The following SLC25A3 variants were observed in gnomAD, a reference collection of about 807,000 sequenced individuals.
SLC25A3 encodes the protein solute carrier family 25 member 3, also known as phosphate transport protein.
SLC25A3 carries 14 observed loss-of-function variants against 37.1 expected under a neutral mutation model. That is an observed-to-expected ratio of 0.38 (90% CI 0.25 to 0.59). The LOEUF (loss-of-function observed/expected upper bound fraction) is 0.59. Ranked by LOEUF, SLC25A3 falls within the 20% of genes least tolerant of loss-of-function variation. The pLI is 0.67. For missense variants in SLC25A3, 385 were observed against 458.1 expected (o/e 0.84, Z 1.46); for synonymous variants, 161 against 168.7 (o/e 0.95, Z 0.36).
At position 98,602,459 on chromosome 12, in the gene SLC25A3, C is replaced by A. The variant is rs190586223; in HGVS notation, c.*931C>A. On this transcript the variant is annotated 3_prime_UTR_variant, in exon 8 of 8. Transcript: ENST00000552981. ...GATTATAGGCATGAGCCACCGTGCC[C>A]GGCTCTGACTTTTTACAGAAAATTG... 2 of 152,162 alleles carry A rather than the reference C, an allele frequency of 1.3e-5. No homozygotes were observed. Among genetic ancestry groups the A allele is most frequent in the African/African-American group, 2.4e-5 (1 of 41,446 alleles). The allele number at this position is 152,162 out of a possible 1,614,324, so 9.4% of individuals were successfully genotyped here.
Position 98,596,944 on chromosome 12 carries a change from G to A in SLC25A3, c.280-912G>A, listed in dbSNP as rs528495244. Among the ~76,000 whole-genome samples, 10 of 152,236 alleles carry A rather than the reference G, an allele frequency of 6.6e-5. No homozygotes were observed. The South Asian group carries it at 1.9e-3, about 28-fold the overall frequency. On this transcript the variant is annotated intron_variant, in intron 3 of 7. Coordinates refer to ENST00000552981, the MANE Select transcript of SLC25A3 (RefSeq NM_002635.4). ...TGAGGCAGGAGAATCGCTTGAACCT[G>A]GGAGGTGGAGGTTGCAGTGAGCTGA...
intron 1 of SLC25A3, 53 bp downstream of exon 1, chr12:98,593,793 GCT>G: frequency 1.5e-6 from 1 of 648,682 alleles, no homozygotes. Flanking sequence ...GGAGCCCAGA[GCT>G]CCTGTGGGGC....
At position 98,598,782 on chromosome 12, in the gene SLC25A3, T is replaced by G. The variant is rs917965594; in HGVS notation, c.641+79T>G. The G allele has an allele frequency of 1.2e-5, 15 of 1,289,710 alleles. No homozygotes were observed. In the Admixed American group the frequency reaches 2.6e-4, roughly 22 times the overall value. 79.9% of individuals were successfully genotyped at this position (1,289,710 alleles called of 1,614,324 possible). ...TCATTTTTTTTTGTTTTTTTTTTTG[T>G]TTTGTTTTTTTGAGACAAAGTCTCG... On this transcript the variant is annotated intron_variant, in intron 5 of 7. Coordinates refer to ENST00000552981, the MANE Select transcript of SLC25A3 (RefSeq NM_002635.4).
intron 1 of SLC25A3, 51 bp downstream of exon 1, chr12:98,593,791 G>A (rs1233173981): frequency 1.7e-5 from 11 of 643,772 alleles, no homozygotes; most frequent in Non-Finnish European, 3.0e-5. Flanking sequence ...GCGGAGCCCA[G>A]AGCTCCTGTG....
chr12:98,605,351 G>A lies in SLC25A3; in HGVS notation c.*3823G>A, dbSNP rs1211012905. The A allele has an allele frequency of 3.3e-5, 5 of 152,088 alleles. No homozygotes were observed. Among genetic ancestry groups the A allele is most frequent in the Non-Finnish European group, 5.9e-5 (4 of 68,046 alleles). The allele number at this position is 152,088 out of a possible 1,614,324, so 9.4% of individuals were successfully genotyped here. On this transcript the variant is annotated 3_prime_UTR_variant, in exon 8 of 8. Coordinates refer to ENST00000552981, the MANE Select transcript of SLC25A3 (RefSeq NM_002635.4). ...TTGAGCCCGAGAGGTTGAGGCTACA[G>A]TGAGCCATGTTTACGCCATTGCAGT...
Position 98,600,102 on chromosome 12 carries a change from T to G in SLC25A3, c.789T>G (p.Val263=). The change falls in exon 6 of 8, where the codon GTT becomes GTG. Residue 263 remains valine, a synonymous_variant. Coordinates refer to ENST00000552981, the MANE Select transcript of SLC25A3 (RefSeq NM_002635.4). ...AATGTTCAAAGCCAGAGCAGCTGGT[T>G]GTAACATTTGTAGCAGGTTACATAG... ...RSECSKPEQL[V]VTFVAGYIAG... is the part of the protein sequence containing the mutation. The G allele has an allele frequency of 6.2e-7, 1 of 1,612,818 alleles. No individual in the cohort carries two copies. The highest frequency in any genetic ancestry group is 8.5e-7 in the Non-Finnish European group (1 of 1,178,732).
chr12:98,604,782 TG>T lies in SLC25A3; in HGVS notation c.*3255del, dbSNP rs897941728. 2 of 152,260 alleles carry T rather than the reference TG, an allele frequency of 1.3e-5. No homozygotes were observed. Among genetic ancestry groups the T allele is most frequent in the African/African-American group, 4.8e-5 (2 of 41,436 alleles). The allele number at this position is 152,260 out of a possible 1,614,324, so 9.4% of individuals were successfully genotyped here. A position where few individuals can be genotyped will look rare whatever the true frequency, so the allele number is the denominator to read the frequency against. ...TCCCGTTTCGACCATATTTTATTTT[TG>T]AGAAGGTCTTGCTCTGTCGCCAGAC... is the stretch of plus-strand genomic sequence containing the variant. On this transcript the variant is annotated 3_prime_UTR_variant, in exon 8 of 8. Transcript: ENST00000552981.
At chr12:98,596,758 A>G (rs2097593323) in intron 3 of SLC25A3, among the ~76,000 whole-genome samples, 1 of 152,202 alleles carries the variant, frequency 6.6e-6, no homozygotes, top group Non-Finnish European at 1.5e-5. Context: ...CCACACCTGG[A>G]ATGCCAGCAT....
In SLC25A3 at chr12:98,606,022, G is replaced by A. The variant is rs2097601026; in HGVS notation, c.*4494G>A. 1 of 151,960 alleles carries A rather than the reference G, an allele frequency of 6.6e-6. No homozygotes were observed. The highest frequency in any genetic ancestry group is 2.4e-5 in the African/African-American group (1 of 41,360). 9.4% of individuals were successfully genotyped at this position (151,960 alleles called of 1,614,324 possible). A position where few individuals can be genotyped will look rare whatever the true frequency, so the allele number is the denominator to read the frequency against. On this transcript the variant is annotated 3_prime_UTR_variant, in exon 8 of 8. Transcript: ENST00000552981. ...CTCAGCTACTTAGGAAGCTGAAGGA[G>A]GATCGTCTGAGCCCAGGAGTTTGAG...
chr12:98,595,287 G>A (rs2097591979), intron 2 of SLC25A3: 1 of 776,882 alleles, frequency 1.3e-6, no homozygotes, highest in Admixed American at 2.4e-5. Flanking sequence ...ATTTGGCAGT[G>A]AATTTTTTTT....
Position 98,601,392 on chromosome 12 carries a change from G to A in SLC25A3, c.950G>A (p.Arg317His), listed in dbSNP as rs2097597721. The change falls in exon 8 of 8, where the codon CGT becomes CAT. Residue 317 changes from arginine (R) to histidine (H), a missense_variant. Arg to His is a conservative substitution (Grantham distance 29). Around this residue, in one of 2 missense-constraint regions of SLC25A3, gnomAD observed 276 missense variants for 367.6 expected, o/e 0.75. Coordinates refer to ENST00000552981, the MANE Select transcript of SLC25A3 (RefSeq NM_002635.4). ...GGTGTATGGAAGGGACTGTTTGCCC[G>A]TATCATCATGATTGGTACCCTGACT... is the stretch of plus-strand genomic sequence containing the variant. ...FKGVWKGLFARIIMIGTLTAL... is the reference protein window; with the variant it reads ...FKGVWKGLFAHIIMIGTLTAL... 3 of 1,613,780 alleles carry A rather than the reference G, an allele frequency of 1.9e-6. No homozygotes were observed. Among genetic ancestry groups the A allele is most frequent in the Non-Finnish European group, 1.7e-6 (2 of 1,179,836 alleles).
At position 98,601,803 on chromosome 12, in the gene SLC25A3, A is replaced by G; in HGVS notation, c.*275A>G. On this transcript the variant is annotated 3_prime_UTR_variant, in exon 8 of 8. Transcript: ENST00000552981. ...GTATATAAGTTAAGGAAAAAATACA[A>G]AACTGACCATGACCATTGTTGGTTG... 7.8e-6 allele frequency: 3 copies of G among 386,742 alleles called. No individual in the cohort carries two copies. Among genetic ancestry groups the G allele is most frequent in the East Asian group, 5.3e-5 (1 of 18,748 alleles). The allele number at this position is 386,742 out of a possible 1,614,324, so 24.0% of individuals were successfully genotyped here. A position where few individuals can be genotyped will look rare whatever the true frequency, so the allele number is the denominator to read the frequency against.
chr12:98,599,915 G>A, intron 5 of SLC25A3, 40 bp from the exon 6 acceptor site: 3 of 1,610,042 alleles, frequency 1.9e-6, no homozygotes, highest in East Asian at 2.2e-5. Context: ...TGATAGATGA[G>A]TGTATGCAAC....
In SLC25A3 at chr12:98,594,018, T is replaced by A; in HGVS notation, c.40T>A (p.Phe14Ile). 4 of 1,613,812 alleles carry A rather than the reference T, an allele frequency of 2.5e-6. No individual in the cohort carries two copies. The highest frequency in any genetic ancestry group is 2.5e-6 in the Non-Finnish European group (3 of 1,179,886). Reference sequence around the variant, plus strand: ...GGCGCACCTGGCGCGGGCGAACCCCTTCAACACGCCACATCTGCAGCTGGT... The same window carrying A: ...GGCGCACCTGGCGCGGGCGAACCCCATCAACACGCCACATCTGCAGCTGGT... ...SVAHLARANP[F>I]NTPHLQLVHD... Residue 14 changes from phenylalanine to isoleucine, a missense_variant, in exon 2 of 8, where the codon TTC (phenylalanine) becomes ATC (isoleucine). Coordinates refer to ENST00000552981, the MANE Select transcript of SLC25A3 (RefSeq NM_002635.4).
chr12:98,605,999 C>T lies in SLC25A3; in HGVS notation c.*4471C>T, dbSNP rs971313250. On this transcript the variant is annotated 3_prime_UTR_variant, in exon 8 of 8. Coordinates refer to ENST00000552981, the MANE Select transcript of SLC25A3 (RefSeq NM_002635.4). ...GCATGGTGGCACGTGCCTGTAATCT[C>T]AGCTACTTAGGAAGCTGAAGGAGGA... is the stretch of plus-strand genomic sequence containing the variant. 5 of 152,042 alleles carry T rather than the reference C, an allele frequency of 3.3e-5. No individual in the cohort carries two copies. Among genetic ancestry groups the T allele is most frequent in the African/African-American group, 7.3e-5 (3 of 41,372 alleles). 9.4% of individuals were successfully genotyped at this position (152,042 alleles called of 1,614,324 possible). A position where few individuals can be genotyped will look rare whatever the true frequency, so the allele number is the denominator to read the frequency against.
Position 98,606,207 on chromosome 12 carries a change from A to G in SLC25A3, c.*4679A>G, listed in dbSNP as rs2097601126. ...GTAATTGTAAAAAATCCTGGATATC[A>G]CATAGTTGAGAAACAAAGTTATTTT... On this transcript the variant is annotated 3_prime_UTR_variant, in exon 8 of 8. Transcript: ENST00000552981. 1 of 152,216 alleles carries G rather than the reference A, an allele frequency of 6.6e-6. No individual in the cohort carries two copies. The highest frequency in any genetic ancestry group is 6.5e-5 in the Admixed American group (1 of 15,288). 9.4% of individuals were successfully genotyped at this position (152,216 alleles called of 1,614,324 possible). A position where few individuals can be genotyped will look rare whatever the true frequency, so the allele number is the denominator to read the frequency against.
In SLC25A3 at chr12:98,601,824, G is replaced by T. The variant is rs2097598160; in HGVS notation, c.*296G>T. 8 of 316,390 alleles carry T rather than the reference G, an allele frequency of 2.5e-5. No individual in the cohort carries two copies. The South Asian group carries it at 2.7e-4, about 11-fold the overall frequency. 19.6% of individuals were successfully genotyped at this position (316,390 alleles called of 1,614,324 possible). A position where few individuals can be genotyped will look rare whatever the true frequency, so the allele number is the denominator to read the frequency against. On this transcript the variant is annotated 3_prime_UTR_variant, in exon 8 of 8. Coordinates refer to ENST00000552981, the MANE Select transcript of SLC25A3 (RefSeq NM_002635.4). ...TACAAAACTGACCATGACCATTGTT[G>T]GTTGAATATTCCAGTTGCTATTCAG... is the stretch of plus-strand genomic sequence containing the variant.
chr12:98,600,983 GAA>G (rs1483944782), intron 6 of SLC25A3, 186 bp from the exon 7 acceptor site: 4 of 590,330 alleles, frequency 6.8e-6, no homozygotes, highest in Non-Finnish European at 8.5e-6. Context: ...AATAAAATCT[GAA>G]AAACTTTAAA....
rs1380886029 is a variant in SLC25A3, at chr12:98,605,665, C to G, written c.*4137C>G. 1 of 151,650 alleles carries G rather than the reference C, an allele frequency of 6.6e-6. No homozygotes were observed. The highest frequency in any genetic ancestry group is 2.4e-5 in the African/African-American group (1 of 41,258). 9.4% of individuals were successfully genotyped at this position (151,650 alleles called of 1,614,324 possible). On this transcript the variant is annotated 3_prime_UTR_variant, in exon 8 of 8. Transcript: ENST00000552981. ...AAACCCCAGGTCTCTACTAAAAATA[C>G]AAAAATTGGTCAGGCATGGTGGTGC...
Sources: gnomAD v4.1 joint callset for allele counts (sites outside exome capture counted in the v4.1 genomes callset) on GRCh38, gnomAD v4.1.1 for gene constraint, gnomAD v4.1.1 regional missense constraint, MANE v1.5 for transcripts, NCBI Gene and HGNC (gene_info 2026-07-23, HGNC 2026-07-21) for gene names.